ISLR2: variants seen among roughly 807,000 people sequenced by gnomAD.
ISLR2 encodes the protein immunoglobulin superfamily containing leucine-rich repeat protein 2.
In ISLR2, 16 loss-of-function variants were observed where a neutral mutation model predicts 25.5. The observed-to-expected ratio is 0.63, with a 90% CI of 0.43 to 0.95. ISLR2 has a LOEUF of 0.95. ISLR2 is among the 40% of genes least tolerant of loss of function. The pLI is 0.00. For missense variants in ISLR2, 883 were observed against 1,030.7 expected, an observed-to-expected ratio of 0.86 and a Z score of 1.96; for synonymous variants, 508 against 486.6, an observed-to-expected ratio of 1.04 and a Z score of -0.58.
chr15:74,128,857 TC>T, upstream of ISLR2: 1 of 388,658 alleles, frequency 2.6e-6, no homozygotes, highest in South Asian at 1.9e-5. Context: ...AAGACGCCGC[TC>T]CCCGCCCCCA....
chr15:74,136,972 C>G (rs1030669172), downstream of ISLR2, among the ~76,000 whole-genome samples: 2 of 152,160 alleles, frequency 1.3e-5, no homozygotes, highest in Non-Finnish European at 2.9e-5. Context: ...GCACCCAGCC[C>G]TGCTCTTAGT....
chr15:74,112,098 T>C (rs1233035264), intron 2 of ISLR2, among the ~76,000 whole-genome samples: 1 of 152,238 alleles, frequency 6.6e-6, no homozygotes, highest in Non-Finnish European at 1.5e-5. Context: ...ATTTTTAAAG[T>C]TGCTTTAGGC....
Position 74,134,182 on chromosome 15 carries a change from C to T in ISLR2, c.1428C>T (p.Ser476=), listed in dbSNP as rs1310155505. The change falls in exon 3 of 3, where the codon AGC becomes AGT. Residue 476 remains serine, a synonymous_variant. Coordinates refer to ENST00000453268, the MANE Select transcript of ISLR2 (RefSeq NM_020851.3). ...TTTCTAACCACGCGTTCAACCAGAG[C>T]GCAGAGCTCAAGCCGCACGTCTTCG... ...RYVSNHAFNQ[S]AELKPHVFEL... The T allele has an allele frequency of 1.2e-6, 2 of 1,612,014 alleles. No individual in the cohort carries two copies. Among genetic ancestry groups the T allele is most frequent in the South Asian group, 2.2e-5 (2 of 90,600 alleles).
rs771797322 is a variant in ISLR2 at position 74,134,439 on chromosome 15, C to G, written c.1685C>G (p.Thr562Ser). 4 of 1,612,378 alleles carry G rather than the reference C, an allele frequency of 2.5e-6. No individual in the cohort carries two copies. Among genetic ancestry groups the G allele is most frequent in the Non-Finnish European group, 3.4e-6 (4 of 1,179,812 alleles). The change falls in exon 3 of 3, where the codon ACC becomes AGC. Residue 562 changes from threonine (T) to serine (S), a missense_variant. Physicochemically the swap from Thr to Ser is moderately conservative, Grantham distance 58 (BLOSUM62 1). This residue lies in a region of ISLR2 where 612 missense variants were observed against 642.8 expected (regional missense o/e 0.95). Coordinates refer to ENST00000453268, the MANE Select transcript of ISLR2 (RefSeq NM_020851.3). ...AYWFRGLRPG[T>S]NYSVCLALAG... The stretch of plus-strand genomic sequence containing the variant: ...TGGTTCCGCGGCCTGCGGCCGGGTA[C>G]CAACTACTCCGTGTGCCTGGCGCTG...
At chr15:74,125,609 AC>A (rs1232793461), upstream of ISLR2, among the ~76,000 whole-genome samples, 2 of 152,228 alleles carry the variant, frequency 1.3e-5, no homozygotes, top group African/African-American at 2.4e-5. Flanking sequence ...TGAGACAAGC[AC>A]AGACCCAGAT....
rs1264161997 is a variant in ISLR2, at chr15:74,133,798, G to A, written c.1044G>A (p.Lys348=). The stretch of plus-strand genomic sequence containing the variant: ...TGTTGGTGCCCCTCCTGAGTGCCAA[G>A]GAGGCGGGCGTCTACACTTGCCGTG... ...GSLLVPLLSA[K]EAGVYTCRAH... Residue 348 remains lysine, a synonymous_variant, in exon 3 of 3, where the codon AAG becomes AAA. Transcript: ENST00000453268. The A allele has an allele frequency of 1.9e-6, 3 of 1,613,984 alleles. No individual in the cohort carries two copies. Among genetic ancestry groups the A allele is most frequent in the Non-Finnish European group, 2.5e-6 (3 of 1,179,920 alleles).
Position 74,134,683 on chromosome 15 carries a change from A to G in ISLR2, c.1929A>G (p.Ala643=). 6.2e-7 allele frequency: 1 copy of G among 1,614,120 alleles called. No individual in the cohort carries two copies. Among genetic ancestry groups the G allele is most frequent in the Non-Finnish European group, 8.5e-7 (1 of 1,180,006 alleles). ...ACCCTATGGAGAAGCGCATCGCCGC[A>G]GACTTCGACCCGCGTGCTTCGTACC... ...APDPMEKRIA[A]DFDPRASYLE... is the part of the protein sequence containing the mutation. Residue 643 remains alanine (A), a synonymous_variant, in exon 3 of 3, where the codon GCA becomes GCG. Transcript: ENST00000453268.
chr15:74,104,307 G>A lies in ISLR2; in HGVS notation n.228+393G>A, dbSNP rs887848492. ...GATGCTGCTAAACATCCTGCGAGGC[G>A]CAAACAGCTCCAGAACAGAGAACTG... On this transcript the variant is annotated intron_variant and non_coding_transcript_variant, in intron 2 of 3. Coordinates refer to the ISLR2 transcript ENST00000561975. Among the ~76,000 whole-genome samples the A allele has an allele frequency of 2.4e-3, 366 of 152,236 alleles. 2 individuals are homozygous for A. Among genetic ancestry groups the A allele is most frequent in the African/African-American group, 8.6e-3 (356 of 41,538 alleles).
At chr15:74,108,786 C>T (rs770630797) in intron 2 of ISLR2, among the ~76,000 whole-genome samples, 9 of 152,250 alleles carry the variant, frequency 5.9e-5, no homozygotes, top group Non-Finnish European at 8.8e-5. Flanking sequence ...GAGGTGCCCT[C>T]TGGGCTAGGG....
Position 74,136,095 on chromosome 15 carries a change from G to T in ISLR2, c.*1103G>T. The T allele has an allele frequency of 6.0e-6, 1 of 166,732 alleles. No homozygotes were observed. The allele number at this position is 166,732 out of a possible 1,614,324, so 10.3% of individuals were successfully genotyped here. A position where few individuals can be genotyped will look rare whatever the true frequency, so the allele number is the denominator to read the frequency against. ...GTGTCGGGGGGTAGGGAGGGAATGC[G>T]TTTTCTGTCGTCTCTCTCCTAACTT... On this transcript the variant is annotated 3_prime_UTR_variant, in exon 3 of 3. Transcript: ENST00000453268.
chr15:74,134,283 G>T lies in ISLR2; in HGVS notation c.1529G>T (p.Gly510Val). The change falls in exon 3 of 3, where the codon GGC becomes GTC. Residue 510 changes from glycine to valine, a missense_variant. Gly to Val is a moderately radical substitution (Grantham distance 109). Transcript: ENST00000453268. ...VQLTPLAARW[G>V]PGPGGAGGAP... Reference sequence around the variant, plus strand: ...CTGACTCCGCTGGCTGCGCGCTGGGGCCCTGGGCCCGGCGGGGCTGGCGGA... The same window carrying T: ...CTGACTCCGCTGGCTGCGCGCTGGGTCCCTGGGCCCGGCGGGGCTGGCGGA... 1.3e-6 allele frequency: 2 copies of T among 1,548,690 alleles called. No individual in the cohort carries two copies. Among genetic ancestry groups the T allele is most frequent in the South Asian group, 2.4e-5 (2 of 84,180 alleles).
At chr15:74,120,262 T>TG (rs1170853483) in intron 2 of ISLR2, among the ~76,000 whole-genome samples, 4 of 152,222 alleles carry the variant, frequency 2.6e-5, no homozygotes, top group Admixed American at 6.5e-5. Context: ...ATGGATACGA[T>TG]GCCAGGCAGT....
chr15:74,129,609 T>A (rs997254588), upstream of ISLR2: 2 of 152,490 alleles, frequency 1.3e-5, no homozygotes, highest in Non-Finnish European at 2.9e-5. This position sits in a 1 kb window ranked among gnomAD's most constrained non-coding sequence, Gnocchi z 4.5. Flanking sequence ...TTTAGCCAAA[T>A]GCCTCGACAT....
upstream of ISLR2, chr15:74,129,102 G>T (rs542196921): frequency 3.7e-5 from 17 of 455,772 alleles, no homozygotes; most frequent in South Asian, 2.0e-4. The surrounding 1 kb of genome is among the most constrained non-coding windows in gnomAD (Gnocchi z 4.5). Flanking sequence ...GGGTCGGCGG[G>T]GGGGGACTCC....
At chr15:74,114,813 C>T (rs1218323297) in intron 2 of ISLR2, among the ~76,000 whole-genome samples, 3 of 152,072 alleles carry the variant, frequency 2.0e-5, no homozygotes, top group African/African-American at 7.2e-5. Flanking sequence ...CCTACAGTGT[C>T]CTCAGTTTAC....
chr15:74,106,083 T>C (rs1245611219), intron 2 of ISLR2, among the ~76,000 whole-genome samples: 1 of 152,150 alleles, frequency 6.6e-6, no homozygotes, highest in Admixed American at 6.5e-5. Flanking sequence ...TACAATACTT[T>C]GTGAGGCTGA....
At chr15:74,123,017 C>T (rs557223038) in intron 2 of ISLR2, among the ~76,000 whole-genome samples, 1 of 152,242 alleles carries the variant, frequency 6.6e-6, no homozygotes, top group East Asian at 1.9e-4. Flanking sequence ...GGGGTGGCAG[C>T]CTTGTTCTTT....
intron 2 of ISLR2, among the ~76,000 whole-genome samples, chr15:74,122,515 T>A (rs2072260930): frequency 6.6e-6 from 1 of 152,198 alleles, no homozygotes. Context: ...CTGGGATCAG[T>A]CCAACATTGA....
chr15:74,125,440 A>G (rs2072287579), upstream of ISLR2, among the ~76,000 whole-genome samples: 1 of 152,082 alleles, frequency 6.6e-6, no homozygotes, highest in Admixed American at 6.5e-5. Flanking sequence ...AGGTCTGACT[A>G]TGTTGCCCAA....
Sources: gnomAD v4.1 joint callset for allele counts (sites outside exome capture counted in the v4.1 genomes callset) on GRCh38, gnomAD v4.1.1 for gene constraint, gnomAD v4.1.1 regional missense constraint, Gnocchi (gnomAD v3.1) non-coding constraint, MANE v1.5 for transcripts, NCBI Gene and HGNC (gene_info 2026-07-23, HGNC 2026-07-21) for gene names.